AMY2B: variants seen among roughly 807,000 people sequenced by gnomAD.
The protein encoded by AMY2B is amylase alpha 2B.
Under a neutral mutation model 59.3 loss-of-function variants are expected in AMY2B, and 63 were observed. The ratio of observed to expected loss-of-function variants is 1.06; its 90% CI spans 0.87 to 1.31. The LOEUF is 1.31. Among genes scored for constraint, AMY2B ranks in the 50% most tolerant of loss-of-function variants. AMY2B has a pLI of 0.00. For missense variants in AMY2B, 635 were observed against 626.7 expected (o/e 1.01, Z -0.14); for synonymous variants, 180 against 198.1 (o/e 0.91, Z 0.77).
chr1:103,564,352 C>T (rs1392481094), intron 1 of AMY2B, among the ~76,000 whole-genome samples: 1 of 152,088 alleles, frequency 6.6e-6, no homozygotes, highest in Non-Finnish European at 1.5e-5. Flanking sequence ...TCTCTGTCAA[C>T]TCTTTACACC....
intron 9 of AMY2B, among the ~76,000 whole-genome samples, chr1:103,578,254 CTT>C (rs531339798): frequency 6.6e-6 from 1 of 152,142 alleles, no homozygotes; most frequent in Non-Finnish European, 1.5e-5. Flanking sequence ...ATTTCTAACT[CTT>C]TTTCTCAATG....
intron 1 of AMY2B, among the ~76,000 whole-genome samples, chr1:103,558,980 GTTA>G (rs951135679): frequency 1.3e-4 from 20 of 152,142 alleles, no homozygotes; most frequent in South Asian, 6.2e-4. Flanking sequence ...CGTTGCATTA[GTTA>G]TTATAAGTAA....
chr1:103,556,508 G>C (rs1167749371), intron 1 of AMY2B, among the ~76,000 whole-genome samples: 1 of 152,010 alleles, frequency 6.6e-6, no homozygotes, highest in African/African-American at 2.4e-5. Flanking sequence ...CTAGAAATTT[G>C]GGAGATTTAA....
At chr1:103,561,882 TC>T (rs1163050130) in intron 1 of AMY2B, 4 of 152,070 alleles carry the variant, frequency 2.6e-5, no homozygotes, top group South Asian at 2.1e-4. Context: ...CAGAGAAGAT[TC>T]CTTGTACAAA....
At chr1:103,573,036 C>T (rs1557769874) in intron 2 of AMY2B, 27 bp from the exon 3 acceptor site, 1 of 1,612,684 alleles carries the variant, frequency 6.2e-7, no homozygotes, top group Non-Finnish European at 8.5e-7. Context: ...CTGTAAGTCA[C>T]ACTGAAGTAG....
At chr1:103,576,149 A>C (rs1255026063) in intron 7 of AMY2B, among the ~76,000 whole-genome samples, 1 of 152,210 alleles carries the variant, frequency 6.6e-6, no homozygotes, top group African/African-American at 2.4e-5. Context: ...AGGAACAGAG[A>C]AATAAGAGTG....
At chr1:103,569,882 A>G (rs1470258994), upstream of AMY2B, 1 of 461,662 alleles carries the variant, frequency 2.2e-6, no homozygotes, top group Admixed American at 2.6e-5. Flanking sequence ...GGACCCCCTG[A>G]ACCTCAAGGC....
chr1:103,575,706 A>G, intron 7 of AMY2B, 166 bp downstream of exon 7: 2 of 1,052,934 alleles, frequency 1.9e-6, no homozygotes, highest in Non-Finnish European at 2.7e-6. Flanking sequence ...GGAGTAAAAT[A>G]TATATTTTCC....
chr1:103,574,544 C>A, intron 5 of AMY2B, 151 bp downstream of exon 5: 5 of 1,472,358 alleles, frequency 3.4e-6, no homozygotes, highest in Non-Finnish European at 4.6e-6. Flanking sequence ...AAACTCTAAT[C>A]AATCATCTTT....
intron 5 of AMY2B, 133 bp from the exon 6 acceptor site, chr1:103,575,090 C>A: frequency 2.6e-6 from 3 of 1,142,686 alleles, no homozygotes; most frequent in South Asian, 3.3e-5. Flanking sequence ...ATATATCTTA[C>A]AGAATAACCA....
chr1:103,577,792 A>C lies in AMY2B; in HGVS notation c.1293A>C (p.Gln431His). The C allele has an allele frequency of 6.2e-7, 1 of 1,607,320 alleles. No individual in the cohort carries two copies. The highest frequency in any genetic ancestry group is 8.5e-7 in the Non-Finnish European group (1 of 1,179,752). ...FTNWYDNGSN[Q>H]VAFGRGNRGF... ...ACTGGTATGATAATGGGAGCAACCA[A>C]GTGGCTTTTGGGAGAGGAAACAGAG... is the stretch of plus-strand genomic sequence containing the variant. Residue 431 changes from glutamine (Q) to histidine (H), a missense_variant, in exon 9 of 10, where the codon CAA becomes CAC. Gln to His is a conservative substitution (Grantham distance 24, BLOSUM62 0). Transcript: ENST00000684275.
chr1:103,570,136 GT>G (rs747768116), upstream of AMY2B: 65 of 446,722 alleles, frequency 1.5e-4, no homozygotes, highest in Non-Finnish European at 2.8e-4. Context: ...CCTTACCAAG[GT>G]TGGCTATAGC....
At chr1:103,556,026 C>T (rs959716670) in intron 1 of AMY2B, among the ~76,000 whole-genome samples, 8 of 151,966 alleles carry the variant, frequency 5.3e-5, no homozygotes, top group Middle Eastern at 6.8e-3. Context: ...TTCTAGATGT[C>T]GGTAGTTCAG....
At chr1:103,578,074 C>T (rs750180384) in intron 9 of AMY2B, among the ~76,000 whole-genome samples, 2 of 152,152 alleles carry the variant, frequency 1.3e-5, no homozygotes, top group East Asian at 3.9e-4. Flanking sequence ...TCTGTGCACC[C>T]TTGCAATATC....
rs1570639322 is a variant in AMY2B at position 103,565,066 on chromosome 1, A to G, written c.-206-369A>G. The G allele has an allele frequency of 3.3e-5, 5 of 152,140 alleles. No individual in the cohort carries two copies. In the East Asian group the frequency reaches 5.8e-4, roughly 18 times the overall value. 9.4% of individuals were successfully genotyped at this position (152,140 alleles called of 1,614,324 possible). On this transcript the variant is annotated intron_variant, in intron 1 of 11. Transcript: ENST00000361355. ...GTTATATCTCCCCTCTCTGTTTTAC[A>G]TAAACATTTCCCCTCTATTCCAGGG...
At chr1:103,555,061 T>C (rs767786782) in exon 1 of AMY2B, 2 of 152,054 alleles carry the variant, frequency 1.3e-5, no homozygotes, top group Non-Finnish European at 2.9e-5. Context: ...GTCCTTCAAG[T>C]GCTTTCTAAC....
At chr1:103,572,946 TATAAG>T (rs1205226640) in intron 2 of AMY2B, 112 bp from the exon 3 acceptor site, 21 of 1,579,408 alleles carry the variant, frequency 1.3e-5, no homozygotes, top group African/African-American at 8.1e-5. Context: ...GGAAAATAGT[TATAAG>T]ATATCATGAA....
intron 1 of AMY2B, among the ~76,000 whole-genome samples, 163 bp downstream of exon 1, chr1:103,571,933 ATT>A (rs1652148874): frequency 6.6e-6 from 1 of 152,170 alleles, no homozygotes; most frequent in Non-Finnish European, 1.5e-5. Context: ...GCAACTTTAT[ATT>A]TTGTTTCTGA....
chr1:103,559,623 G>T, intron 1 of AMY2B, among the ~76,000 whole-genome samples: 1 of 151,992 alleles, frequency 6.6e-6, no homozygotes, highest in Non-Finnish European at 1.5e-5. Context: ...ATAAGAACTG[G>T]AAACATTCAA....
Sources: gnomAD v4.1 joint callset for allele counts (sites outside exome capture counted in the v4.1 genomes callset) on GRCh38, gnomAD v4.1.1 for gene constraint, MANE v1.5 for transcripts, NCBI Gene and HGNC (gene_info 2026-07-23, HGNC 2026-07-21) for gene names.